Variants in ZNF385D observed in about 807,000 individuals in gnomAD.
The protein encoded by ZNF385D is zinc finger protein 385D.
In ZNF385D, 15 loss-of-function variants were observed where a neutral mutation model predicts 35.8. The observed-to-expected ratio is 0.42, with a 90% CI of 0.28 to 0.64. The LOEUF (loss-of-function observed/expected upper bound fraction) is 0.64. Ranked by LOEUF, ZNF385D falls within the 30% of genes least tolerant of loss-of-function variation. The pLI, the probability that ZNF385D is intolerant of heterozygous loss-of-function variation, is 0.23. For missense variants in ZNF385D, 474 were observed against 494.6 expected (o/e 0.96, Z 0.39); for synonymous variants, 212 against 186.8 (o/e 1.13, Z -1.10).
Position 21,734,814 on chromosome 3 carries a change from T to C in ZNF385D, c.22+16081A>G, listed in dbSNP as rs2069171313. Among the ~76,000 whole-genome samples, 3 of 152,134 alleles carry C rather than the reference T, an allele frequency of 2.0e-5. No homozygotes were observed. In the South Asian group the frequency reaches 6.2e-4, roughly 31 times the overall value. ...GATTAGCTTGTCTGTAGCTATACCATGGGACAGCCAAGTTTTGTTTGAGGT... is the reference window on the plus strand; with the variant it reads ...GATTAGCTTGTCTGTAGCTATACCACGGGACAGCCAAGTTTTGTTTGAGGT... On this transcript the variant is annotated intron_variant, in intron 1 of 7. Transcript: ENST00000281523.
chr3:22,229,503 G>C (rs555306782), intron 2 of ZNF385D, among the ~76,000 whole-genome samples: 1 of 152,170 alleles, frequency 6.6e-6, no homozygotes, highest in Admixed American at 6.5e-5. Context: ...TGGAGATTTT[G>C]GCATTGCCAT....
At chr3:21,597,684 G>C (rs2064165101) in intron 2 of ZNF385D, among the ~76,000 whole-genome samples, 1 of 152,180 alleles carries the variant, frequency 6.6e-6, no homozygotes. Context: ...AGGCAAGAAA[G>C]CATTTTCAGC....
chr3:21,629,302 G>A (rs938450401), intron 2 of ZNF385D, among the ~76,000 whole-genome samples: 2 of 152,104 alleles, frequency 1.3e-5, no homozygotes, highest in Non-Finnish European at 2.9e-5. Context: ...ATAATTTCAG[G>A]TGGAGGTTGG....
chr3:21,510,755 T>G (rs1460702567), intron 4 of ZNF385D, 106 bp downstream of exon 4: 9 of 1,408,028 alleles, frequency 6.4e-6, no homozygotes, highest in Non-Finnish European at 8.8e-6. Context: ...GGCTCAAGCA[T>G]GAATCAATAT....
At chr3:21,555,963 G>C (rs1003576607) in intron 3 of ZNF385D, among the ~76,000 whole-genome samples, 33 of 151,876 alleles carry the variant, frequency 2.2e-4, no homozygotes, top group African/African-American at 6.8e-4. Context: ...CTAGTGACCA[G>C]TGATGATGAG....
intron 2 of ZNF385D, among the ~76,000 whole-genome samples, chr3:22,188,423 A>G (rs891826272): frequency 3.3e-5 from 5 of 151,854 alleles, no homozygotes; most frequent in African/African-American, 1.2e-4. Context: ...TATTGTGCGA[A>G]TGTGTTTACA....
At chr3:21,919,288 T>A (rs1403408581) in intron 3 of ZNF385D, among the ~76,000 whole-genome samples, 2 of 152,202 alleles carry the variant, frequency 1.3e-5, no homozygotes, top group African/African-American at 4.8e-5. Flanking sequence ...ACATGTTGCC[T>A]GGCATCAGGG....
intron 3 of ZNF385D, among the ~76,000 whole-genome samples, chr3:21,914,778 T>C (rs1700117677): frequency 6.6e-6 from 1 of 152,070 alleles, no homozygotes; most frequent in South Asian, 2.1e-4. Context: ...CCTCGGTTTA[T>C]TTTTATTAAA....
chr3:21,622,408 C>T (rs561034652), intron 2 of ZNF385D, among the ~76,000 whole-genome samples: 1 of 152,150 alleles, frequency 6.6e-6, no homozygotes, highest in Admixed American at 6.6e-5. Flanking sequence ...GAAAGGAAAG[C>T]TAATGCTTTG....
At chr3:21,810,908 T>C (rs2072889605) in intron 3 of ZNF385D, among the ~76,000 whole-genome samples, 1 of 151,388 alleles carries the variant, frequency 6.6e-6, no homozygotes, top group Middle Eastern at 3.2e-3. Context: ...TATATGTACA[T>C]ATATAATGAA....
At chr3:21,578,865 A>G (rs1395623069) in intron 2 of ZNF385D, among the ~76,000 whole-genome samples, 1 of 152,144 alleles carries the variant, frequency 6.6e-6, no homozygotes, top group East Asian at 1.9e-4. Context: ...TATTTCCATG[A>G]AAAATATCAT....
chr3:21,972,625 A>G (rs1703333371), intron 3 of ZNF385D, among the ~76,000 whole-genome samples: 1 of 151,950 alleles, frequency 6.6e-6, no homozygotes, highest in Non-Finnish European at 1.5e-5. Flanking sequence ...ACAATATAAA[A>G]GATGAACAAA....
At chr3:22,287,468 G>A (rs937389249) in intron 2 of ZNF385D, among the ~76,000 whole-genome samples, 5 of 151,810 alleles carry the variant, frequency 3.3e-5, no homozygotes, top group Admixed American at 3.3e-4. Flanking sequence ...TGTCTTTGCG[G>A]CTTAATGGTT....
chr3:21,701,391 C>T (rs140180217), intron 1 of ZNF385D, among the ~76,000 whole-genome samples: 2,497 of 152,198 alleles, frequency 0.016, 30 homozygotes, highest in Middle Eastern at 0.031. Flanking sequence ...GAGAATAGCA[C>T]GGGAAAGACT....
At chr3:21,684,017 G>A (rs1293578168) in intron 1 of ZNF385D, among the ~76,000 whole-genome samples, 1 of 149,920 alleles carries the variant, frequency 6.7e-6, no homozygotes, top group Non-Finnish European at 1.5e-5. Context: ...ATAAATGTGT[G>A]ATGTTTTAAG....
intron 2 of ZNF385D, among the ~76,000 whole-genome samples, chr3:22,328,259 G>A (rs1446654894): frequency 6.6e-6 from 1 of 151,356 alleles, no homozygotes; most frequent in Non-Finnish European, 1.5e-5. Context: ...TTTTTCTGGA[G>A]TCCTTTTTTT....
intron 3 of ZNF385D, among the ~76,000 whole-genome samples, chr3:21,790,483 T>C (rs1280019619): frequency 1.3e-5 from 2 of 152,164 alleles, no homozygotes; most frequent in African/African-American, 4.8e-5. Context: ...ATATTTTCTA[T>C]AGTTATACTT....
upstream of ZNF385D, among the ~76,000 whole-genome samples, chr3:21,751,979 T>C (rs1575590114): frequency 1.3e-5 from 2 of 149,936 alleles, no homozygotes; most frequent in Non-Finnish European, 1.5e-5. Context: ...CAGTCACCAA[T>C]ATAATATAGC....
intron 3 of ZNF385D, among the ~76,000 whole-genome samples, chr3:22,098,108 C>T (rs2125618006): frequency 6.6e-6 from 1 of 152,068 alleles, no homozygotes; most frequent in East Asian, 1.9e-4. Context: ...AAAGACTGTC[C>T]ACAAAACATG....
Sources: gnomAD v4.1 joint callset for allele counts (sites outside exome capture counted in the v4.1 genomes callset) on GRCh38, gnomAD v4.1.1 for gene constraint, MANE v1.5 for transcripts, NCBI Gene and HGNC (gene_info 2026-07-23, HGNC 2026-07-21) for gene names.